The following DCP2 variants were observed in gnomAD, a reference collection of about 807,000 sequenced individuals.
DCP2 encodes the protein m7GpppN-mRNA hydrolase.
A neutral mutation model predicts 56.1 loss-of-function variants in DCP2; 30 were observed. The observed-to-expected ratio is 0.53, with a 90% confidence interval of 0.40 to 0.73. DCP2 has a LOEUF of 0.73. Among genes scored for constraint, DCP2 ranks in the 30% least tolerant of loss-of-function variants. The pLI is 0.00. For missense variants in DCP2, 533 were observed against 502.7 expected (o/e 1.06, Z -0.58); for synonymous variants, 197 against 163.3 (o/e 1.21, Z -1.57).
rs935800690 is a variant in DCP2 at position 113,017,232 on chromosome 5, T to G, written c.*3748T>G. Reference sequence around the variant, plus strand: ...ACTTTTCTTCCTAGTAATTTTGACTTGGATTATTTTCTAGCCTGGGGGATG... The same window carrying G: ...ACTTTTCTTCCTAGTAATTTTGACTGGGATTATTTTCTAGCCTGGGGGATG... On this transcript the variant is annotated 3_prime_UTR_variant, in exon 11 of 11. Coordinates refer to ENST00000389063, the MANE Select transcript of DCP2 (RefSeq NM_152624.6). 2.0e-5 allele frequency: 3 copies of G among 152,246 alleles called. No individual in the cohort carries two copies. The highest frequency in any genetic ancestry group is 4.4e-5 in the Non-Finnish European group (3 of 68,040). The allele number at this position is 152,246 out of a possible 1,614,324, so 9.4% of individuals were successfully genotyped here.
At chr5:112,988,953 C>G (rs1007433060) in intron 2 of DCP2, among the ~76,000 whole-genome samples, 2 of 152,148 alleles carry the variant, frequency 1.3e-5, no homozygotes, top group African/African-American at 4.8e-5. Context: ...AAAACACCAA[C>G]AACCTTTGTT....
intron 8 of DCP2, among the ~76,000 whole-genome samples, chr5:113,005,824 A>T (rs1021763897): frequency 5.3e-5 from 8 of 152,248 alleles, no homozygotes; most frequent in African/African-American, 1.9e-4. Context: ...TCAGCTTTAA[A>T]GGAATGAAAT....
At chr5:112,991,726 G>A (rs1027240751) in intron 2 of DCP2, among the ~76,000 whole-genome samples, 7 of 151,654 alleles carry the variant, frequency 4.6e-5, no homozygotes, top group Non-Finnish European at 8.8e-5. Context: ...TTGTTATTAC[G>A]CTAATATATA....
Position 113,001,353 on chromosome 5 carries a change from T to A in DCP2, c.586-4T>A. The A allele has an allele frequency of 6.2e-7, 1 of 1,605,224 alleles. No individual in the cohort carries two copies. The highest frequency in any genetic ancestry group is 8.5e-7 in the Non-Finnish European group (1 of 1,177,024). On this transcript the variant is annotated splice_region_variant and splice_polypyrimidine_tract_variant and intron_variant, in intron 5 of 10. Transcript: ENST00000389063. The stretch of plus-strand genomic sequence containing the variant: ...TAAATGAATTATTTTCTTCTGTGTT[T>A]CAGAACATTGAGTGGTTCTCTATTG...
intron 9 of DCP2, among the ~76,000 whole-genome samples, chr5:113,010,459 G>C (rs1287550027): frequency 2.0e-5 from 3 of 152,046 alleles, no homozygotes; most frequent in Admixed American, 2.0e-4. Flanking sequence ...GTTTGCTTCA[G>C]CCTCTCAAAG....
chr5:113,002,835 C>T (rs979072518), intron 7 of DCP2, among the ~76,000 whole-genome samples: 7 of 152,168 alleles, frequency 4.6e-5, no homozygotes, highest in Non-Finnish European at 8.8e-5. Context: ...TGGCTTACAA[C>T]TTAATTGCAT....
intron 2 of DCP2, among the ~76,000 whole-genome samples, chr5:112,991,218 C>A: frequency 6.6e-6 from 1 of 152,038 alleles, no homozygotes; most frequent in East Asian, 1.9e-4. Context: ...AAAATGAAAA[C>A]ACAGTATACA....
At chr5:112,989,618 C>G (rs1434524192) in intron 2 of DCP2, among the ~76,000 whole-genome samples, 5 of 152,062 alleles carry the variant, frequency 3.3e-5, no homozygotes, top group Non-Finnish European at 7.4e-5. Flanking sequence ...CTTTAAAAAA[C>G]AGATTAAAAA....
At chr5:112,978,474 C>T (rs923803446) in intron 1 of DCP2, among the ~76,000 whole-genome samples, 2 of 152,042 alleles carry the variant, frequency 1.3e-5, no homozygotes, top group Admixed American at 6.5e-5. Context: ...TTTTTCTTTC[C>T]AGTGCCTGTG....
Position 113,021,249 on chromosome 5 carries a change from C to A in DCP2, c.*7765C>A, listed in dbSNP as rs1472312524. On this transcript the variant is annotated 3_prime_UTR_variant, in exon 11 of 11. Coordinates refer to ENST00000389063, the MANE Select transcript of DCP2 (RefSeq NM_152624.6). ...GGGCGTGGTGGTGCGTGTCTGTAGT[C>A]CCAGCTACTTGGGAGGCTGAGGCAG... is the stretch of plus-strand genomic sequence containing the variant. Among the ~76,000 whole-genome samples the A allele has an allele frequency of 6.6e-6, 1 of 151,918 alleles. No individual in the cohort carries two copies. Among genetic ancestry groups the A allele is most frequent in the African/African-American group, 2.4e-5 (1 of 41,330 alleles).
chr5:113,010,625 G>A lies in DCP2; in HGVS notation c.1048-131G>A, dbSNP rs1465269932. 3.1e-5 allele frequency: 33 copies of A among 1,070,882 alleles called. 1 individual carries two copies. The highest frequency in any genetic ancestry group is 3.8e-6 in the Non-Finnish European group (3 of 789,682). 66.3% of individuals were successfully genotyped at this position (1,070,882 alleles called of 1,614,324 possible). On this transcript the variant is annotated intron_variant, in intron 9 of 10. Coordinates refer to ENST00000389063, the MANE Select transcript of DCP2 (RefSeq NM_152624.6). ...AAAAATACTGGTGAGAGAATGGGAT[G>A]ATGATTATATTCCTGGTTCAGTTTT...
At chr5:112,987,909 G>C (rs143304571) in intron 2 of DCP2, among the ~76,000 whole-genome samples, 1 of 151,962 alleles carries the variant, frequency 6.6e-6, no homozygotes, top group South Asian at 2.1e-4. Context: ...GATTATAGGT[G>C]CTACCGCACC....
chr5:113,009,265 T>C (rs1264387585), intron 9 of DCP2, among the ~76,000 whole-genome samples: 2 of 152,246 alleles, frequency 1.3e-5, no homozygotes, highest in Non-Finnish European at 1.5e-5. Context: ...CAAAATACTC[T>C]CACATTTGTC....
chr5:112,993,414 C>G (rs1748688206), intron 4 of DCP2, among the ~76,000 whole-genome samples: 1 of 151,986 alleles, frequency 6.6e-6, no homozygotes, highest in Non-Finnish European at 1.5e-5. Flanking sequence ...CACCTGAGGT[C>G]AGGAGTTCGA....
Position 113,016,417 on chromosome 5 carries a change from T to C in DCP2, c.*2933T>C, listed in dbSNP as rs1023538249. ...CCAGTGCTGTCAAAGGAATTGTGGTTACTACTTGCTGTTCTGAGCTTTGAA... is the reference window on the plus strand; with the variant it reads ...CCAGTGCTGTCAAAGGAATTGTGGTCACTACTTGCTGTTCTGAGCTTTGAA... On this transcript the variant is annotated 3_prime_UTR_variant, in exon 11 of 11. Transcript: ENST00000389063. The C allele has an allele frequency of 1.3e-5, 2 of 152,320 alleles. No homozygotes were observed. The highest frequency in any genetic ancestry group is 2.4e-5 in the African/African-American group (1 of 41,470). 9.4% of individuals were successfully genotyped at this position (152,320 alleles called of 1,614,324 possible).
At chr5:112,977,522 C>A (rs1349510938) in intron 1 of DCP2, among the ~76,000 whole-genome samples, 1 of 152,178 alleles carries the variant, frequency 6.6e-6, no homozygotes, top group African/African-American at 2.4e-5. Flanking sequence ...CTGTAAATTC[C>A]TGTAAGGAAT....
At chr5:112,977,242 ATT>A (rs1747755469) in intron 1 of DCP2, among the ~76,000 whole-genome samples, 1 of 151,812 alleles carries the variant, frequency 6.6e-6, no homozygotes, top group Non-Finnish European at 1.5e-5. Flanking sequence ...TTACTCAACT[ATT>A]TTGCTTTCCC....
At chr5:112,991,382 A>C (rs991608533) in intron 2 of DCP2, among the ~76,000 whole-genome samples, 1 of 152,186 alleles carries the variant, frequency 6.6e-6, no homozygotes, top group African/African-American at 2.4e-5. Flanking sequence ...CTGAGCATAT[A>C]ATTTCAGGGT....
At position 113,018,483 on chromosome 5, in the gene DCP2, T is replaced by C. The variant is rs1749980478; in HGVS notation, c.*4999T>C. Reference sequence around the variant, plus strand: ...CAAGGTGCTTACGTTAGCTGGGTAGTATTGGTCAAAGGTACTCTGAAGAGT... The same window carrying C: ...CAAGGTGCTTACGTTAGCTGGGTAGCATTGGTCAAAGGTACTCTGAAGAGT... On this transcript the variant is annotated 3_prime_UTR_variant, in exon 11 of 11. Transcript: ENST00000389063. The C allele has an allele frequency of 6.6e-6, 1 of 152,210 alleles. No individual in the cohort carries two copies. Among genetic ancestry groups the C allele is most frequent in the Non-Finnish European group, 1.5e-5 (1 of 68,054 alleles). 9.4% of individuals were successfully genotyped at this position (152,210 alleles called of 1,614,324 possible).
Sources: gnomAD v4.1 joint callset for allele counts (sites outside exome capture counted in the v4.1 genomes callset) on GRCh38, gnomAD v4.1.1 for gene constraint, MANE v1.5 for transcripts, NCBI Gene and HGNC (gene_info 2026-07-23, HGNC 2026-07-21) for gene names.